Variants in DYNC2H1 observed in about 807,000 individuals in gnomAD.
DYNC2H1 encodes the protein cytoplasmic dynein 2 heavy chain 1.
DYNC2H1 carries 410 observed loss-of-function variants against 570.0 expected under a neutral mutation model. That is an observed-to-expected ratio of 0.72 (90% CI 0.66 to 0.78). The LOEUF (loss-of-function observed/expected upper bound fraction) is 0.78. DYNC2H1 is among the 30% of genes least tolerant of loss of function. DYNC2H1 has a pLI of 0.00. For missense variants in DYNC2H1, 4,865 were observed against 5,046.4 expected, an observed-to-expected ratio of 0.96 and a Z score of 1.09; for synonymous variants, 1,688 against 1,677.6, an observed-to-expected ratio of 1.01 and a Z score of -0.15.
Position 103,177,427 on chromosome 11 carries a change from A to T in DYNC2H1, c.5875-129A>T. The T allele has an allele frequency of 1.3e-6, 1 of 792,900 alleles. No homozygotes were observed. The highest frequency in any genetic ancestry group is 1.9e-6 in the Non-Finnish European group (1 of 522,516). 49.1% of individuals were successfully genotyped at this position (792,900 alleles called of 1,614,324 possible). A position where few individuals can be genotyped will look rare whatever the true frequency, so the allele number is the denominator to read the frequency against. On this transcript the variant is annotated intron_variant, in intron 37 of 88. Coordinates refer to ENST00000375735, the MANE Select transcript of DYNC2H1 (RefSeq NM_001377.3). The surrounding 1 kb of genome is among the most constrained non-coding windows in gnomAD (Gnocchi z 4.4). ...TTATTTAGGTAGTCTATTACATTTT[A>T]GGCAATACCTTCCACTGAAGAAATC... is the stretch of plus-strand genomic sequence containing the variant.
intron 70 of DYNC2H1, among the ~76,000 whole-genome samples, chr11:103,270,907 C>T (rs1434293549): frequency 6.6e-6 from 1 of 152,062 alleles, no homozygotes; most frequent in African/African-American, 2.4e-5. Context: ...CTTACTGTTT[C>T]CCTTACTTCT....
chr11:103,390,072 G>C (rs998709204), intron 83 of DYNC2H1, among the ~76,000 whole-genome samples: 1 of 152,216 alleles, frequency 6.6e-6, no homozygotes, highest in Admixed American at 6.5e-5. Context: ...CTGTCTTGTG[G>C]ATCTGTCTAA....
rs1030577582 is a variant in DYNC2H1, at chr11:103,275,050, C to T, written c.10696-5298C>T. 1.3e-5 allele frequency among the ~76,000 whole-genome samples: 2 copies of T among 151,946 alleles called. No homozygotes were observed. The highest frequency in any genetic ancestry group is 2.4e-5 in the African/African-American group (1 of 41,336). ...TGGAGGTTGCAGTGATCTGAGATTG[C>T]GCCACTGCACTCCAGCCTGGGCGAC... On this transcript the variant is annotated intron_variant, in intron 70 of 88. Coordinates refer to ENST00000375735, the MANE Select transcript of DYNC2H1 (RefSeq NM_001377.3). The surrounding 1 kb of genome is among the most constrained non-coding windows in gnomAD (Gnocchi z 4.8).
At chr11:103,307,673 C>T in intron 77 of DYNC2H1, 48 bp from the exon 78 acceptor site, 1 of 1,003,724 alleles carries the variant, frequency 1.0e-6, no homozygotes, top group Non-Finnish European at 1.5e-6. Flanking sequence ...AAAAGAGAAA[C>T]TTTCATATAT....
chr11:103,312,377 T>A lies in DYNC2H1; in HGVS notation c.11649+344T>A, dbSNP rs1279643841. Reference sequence around the variant, plus strand: ...CCTGGGCAACAAGAGCAAAACTCCATCTCAAAAAAAAAAAAAAAAAAAAAA... The same window carrying A: ...CCTGGGCAACAAGAGCAAAACTCCAACTCAAAAAAAAAAAAAAAAAAAAAA... On this transcript the variant is annotated intron_variant, in intron 79 of 88. Transcript: ENST00000375735. Among the ~76,000 whole-genome samples the A allele has an allele frequency of 4.0e-5, 4 of 100,296 alleles. No individual in the cohort carries two copies. The South Asian group carries it at 1.0e-3, about 26-fold the overall frequency. 65.8% of individuals were successfully genotyped at this position (100,296 alleles called of 152,430 possible).
At position 103,324,005 on chromosome 11, in the gene DYNC2H1, A is replaced by G. The variant is rs184350782; in HGVS notation, c.12039+15A>G. The stretch of plus-strand genomic sequence containing the variant: ...TCAGTTCTCAGGTAACCTAAAAAAA[A>G]GATCTACCTTCAAAAAAAGTTGCTA... On this transcript the variant is annotated intron_variant, in intron 82 of 88. Transcript: ENST00000375735. This position sits in a 1 kb window ranked among gnomAD's most constrained non-coding sequence, Gnocchi z 5.2. The G allele has an allele frequency of 4.5e-4, 699 of 1,569,954 alleles. 1 individual carries two copies. The highest frequency in any genetic ancestry group is 3.6e-3 in the Middle Eastern group (21 of 5,880).
At chr11:103,457,066 G>T (rs1414244099) in intron 87 of DYNC2H1, among the ~76,000 whole-genome samples, 5 of 152,174 alleles carry the variant, frequency 3.3e-5, no homozygotes, top group Non-Finnish European at 7.4e-5. Context: ...TAATGAAGCT[G>T]AAAAATTCAT....
At position 103,337,534 on chromosome 11, in the gene DYNC2H1, C is replaced by T. The variant is rs80195318; in HGVS notation, c.12039+13544C>T. On this transcript the variant is annotated intron_variant, in intron 82 of 88. Transcript: ENST00000375735. The stretch of plus-strand genomic sequence containing the variant: ...AATATTCTCCTTTCTCCACATCCTC[C>T]GTAGCATCCATTATTTTTTGTCTTT... Among the ~76,000 whole-genome samples the T allele has an allele frequency of 2.5e-3, 375 of 152,274 alleles. 1 individual carries two copies. The highest frequency in any genetic ancestry group is 0.017 in the Middle Eastern group (5 of 294).
chr11:103,407,847 C>T (rs933358676), intron 84 of DYNC2H1: 1 of 151,814 alleles, frequency 6.6e-6, no homozygotes, highest in African/African-American at 2.4e-5. Context: ...GGCTAGGGGC[C>T]ATGATGGTAG....
At chr11:103,120,339 A>G (rs1858636687) in intron 6 of DYNC2H1, 108 bp from the exon 7 acceptor site, 1 of 1,089,008 alleles carries the variant, frequency 9.2e-7, no homozygotes, top group Non-Finnish European at 1.3e-6. Context: ...TTCTTTTTTT[A>G]GTAAACCTAA....
At chr11:103,317,069 C>T (rs1433682166) in intron 80 of DYNC2H1, among the ~76,000 whole-genome samples, 2 of 152,128 alleles carry the variant, frequency 1.3e-5, no homozygotes, top group Non-Finnish European at 2.9e-5. Flanking sequence ...CTAAGGCCAT[C>T]TAGCTATCAG....
intron 82 of DYNC2H1, among the ~76,000 whole-genome samples, chr11:103,341,319 T>G (rs557408422): frequency 6.6e-6 from 1 of 152,372 alleles, no homozygotes; most frequent in East Asian, 1.9e-4. Flanking sequence ...ACAGCTTTTT[T>G]CTTTTCTTCC....
rs1278169266 is a variant in DYNC2H1, at chr11:103,275,380, A to T, written c.10696-4968A>T. 2.0e-5 allele frequency among the ~76,000 whole-genome samples: 3 copies of T among 152,132 alleles called. No homozygotes were observed. The highest frequency in any genetic ancestry group is 7.2e-5 in the African/African-American group (3 of 41,426). On this transcript the variant is annotated intron_variant, in intron 70 of 88. Transcript: ENST00000375735. The surrounding 1 kb of genome is among the most constrained non-coding windows in gnomAD (Gnocchi z 4.8). ...CACCTGAAGTTCATAGTTTACATTA[A>T]AGTTCACTCTTGGTATTGTACCTTA...
chr11:103,467,593 G>A (rs1945233405), intron 87 of DYNC2H1, among the ~76,000 whole-genome samples: 1 of 152,064 alleles, frequency 6.6e-6, no homozygotes, highest in Non-Finnish European at 1.5e-5. Flanking sequence ...GCTGGAGTGT[G>A]GTGGCGCGAT....
chr11:103,155,465 A>G lies in DYNC2H1; in HGVS notation c.3708A>G (p.Val1236=). ...EKLLFGDLLR[V]ADTIVAKAAD... is the part of the protein sequence containing the mutation. Reference sequence around the variant, plus strand: ...TACTGTTTGGTGATTTGCTCAGAGTAGCTGATACAATTGTAGCCAAAGCTG... The same window carrying G: ...TACTGTTTGGTGATTTGCTCAGAGTGGCTGATACAATTGTAGCCAAAGCTG... The change falls in exon 25 of 89, where the codon GTA becomes GTG. Residue 1236 remains valine, a synonymous_variant. Coordinates refer to ENST00000375735, the MANE Select transcript of DYNC2H1 (RefSeq NM_001377.3). The G allele has an allele frequency of 6.2e-7, 1 of 1,611,658 alleles. No homozygotes were observed. The highest frequency in any genetic ancestry group is 8.5e-7 in the Non-Finnish European group (1 of 1,178,812).
chr11:103,231,297 G>C lies in DYNC2H1; in HGVS notation c.9391G>C (p.Glu3131Gln), dbSNP rs983700534. ...AACTGAAGACAGAAAAAGGAAACTA[G>C]AGGAGCTTCTTAATTCTGTTGGTCA... is the stretch of plus-strand genomic sequence containing the variant. ...KKTEDRKRKLEELLNSVGQKV... is the reference protein window; with the variant it reads ...KKTEDRKRKLQELLNSVGQKV... Residue 3131 changes from glutamate to glutamine, a missense_variant, in exon 60 of 89, where the codon GAG (glutamate) becomes CAG (glutamine). Coordinates refer to ENST00000375735, the MANE Select transcript of DYNC2H1 (RefSeq NM_001377.3). 1 of 1,607,298 alleles carries C rather than the reference G, an allele frequency of 6.2e-7. No individual in the cohort carries two copies.
intron 13 of DYNC2H1, among the ~76,000 whole-genome samples, chr11:103,130,797 G>A (rs1859229829): frequency 6.6e-6 from 1 of 152,184 alleles, no homozygotes; most frequent in South Asian, 2.1e-4. Context: ...ATATTTCTGA[G>A]GAGGAAACTT....
chr11:103,209,140 A>AT lies in DYNC2H1; in HGVS notation c.8455-730dup, dbSNP rs147557068. On this transcript the variant is annotated intron_variant, in intron 52 of 88. Coordinates refer to ENST00000375735, the MANE Select transcript of DYNC2H1 (RefSeq NM_001377.3). This position sits in a 1 kb window ranked among gnomAD's most constrained non-coding sequence, Gnocchi z 4.2. ...TTCAGTCTGAGAAATTTAAAAAATG[A>AT]TTTTTTGACCTAATTACCAAGATCA... Among the ~76,000 whole-genome samples, 26,497 of 151,796 alleles carry AT rather than the reference A, an allele frequency of 0.17. 2,962 individuals are homozygous for AT. Among genetic ancestry groups the AT allele is most frequent in the African/African-American group, 0.32 (13,188 of 41,324 alleles).
intron 83 of DYNC2H1, among the ~76,000 whole-genome samples, chr11:103,398,680 G>A (rs1263330693): frequency 6.6e-6 from 1 of 152,092 alleles, no homozygotes; most frequent in East Asian, 1.9e-4. Flanking sequence ...TTTCTTGGCA[G>A]TTCTTTGACA....
Sources: allele counts gnomAD v4.1 joint callset (sites outside exome capture counted in the v4.1 genomes callset), GRCh38; gene constraint gnomAD v4.1.1; non-coding constraint Gnocchi (gnomAD v3.1); transcripts MANE v1.5; gene names NCBI Gene and HGNC (gene_info 2026-07-23, HGNC 2026-07-21).